Variants in ITPR2 observed in about 807,000 individuals in gnomAD.
The protein encoded by ITPR2 is inositol 1,4,5-trisphosphate receptor type 2.
ITPR2 carries 207 observed loss-of-function variants against 317.1 expected under a neutral mutation model. That is an observed-to-expected ratio of 0.65 (90% CI 0.58 to 0.73). The LOEUF is 0.73. Among genes scored for constraint, ITPR2 ranks in the 30% least tolerant of loss-of-function variants. The pLI is 0.00. For synonymous variants in ITPR2, 1,156 were observed against 1,149.1 expected, an observed-to-expected ratio of 1.01 and a Z score of -0.12; for missense variants, 2,613 against 3,284.0, an observed-to-expected ratio of 0.80 and a Z score of 4.99.
intron 47 of ITPR2, among the ~76,000 whole-genome samples, chr12:26,437,961 C>T (rs559802204): frequency 1.2e-4 from 19 of 152,080 alleles, no homozygotes; most frequent in Non-Finnish European, 2.1e-4. Flanking sequence ...GCCACCACGC[C>T]CGGCTAATTT....
At position 26,476,899 on chromosome 12, in the gene ITPR2, A is replaced by G. The variant is rs773812399; in HGVS notation, c.6219+13T>C. The G allele has an allele frequency of 1.3e-6, 2 of 1,586,562 alleles. No homozygotes were observed. The highest frequency in any genetic ancestry group is 1.3e-5 in the African/African-American group (1 of 74,368). On this transcript the variant is annotated intron_variant, in intron 44 of 56. Coordinates refer to ENST00000381340, the MANE Select transcript of ITPR2 (RefSeq NM_002223.4). ...CTACCCAATATTGACCAAGCTTTTA[A>G]AAGTTTTCTTACCAGTTCTCTGGGT...
At chr12:26,610,593 C>T (rs961102347) in intron 26 of ITPR2, among the ~76,000 whole-genome samples, 5 of 152,196 alleles carry the variant, frequency 3.3e-5, no homozygotes, top group Admixed American at 6.5e-5. Context: ...AAAGATAAAT[C>T]TGCAAACTAT....
chr12:26,624,291 T>C lies in ITPR2; in HGVS notation c.3122+8A>G. 1.3e-6 allele frequency: 2 copies of C among 1,573,610 alleles called. No individual in the cohort carries two copies. The highest frequency in any genetic ancestry group is 1.7e-6 in the Non-Finnish European group (2 of 1,146,244). On this transcript the variant is annotated splice_region_variant and intron_variant, in intron 24 of 56. Coordinates refer to ENST00000381340, the MANE Select transcript of ITPR2 (RefSeq NM_002223.4). ...AAGTAAGATAAAGATATATAAATGT[T>C]ACTATACCTTCCCGCAAACATAGTT...
At chr12:26,549,095 T>A (rs1240940780) in intron 37 of ITPR2, among the ~76,000 whole-genome samples, 1 of 152,156 alleles carries the variant, frequency 6.6e-6, no homozygotes, top group Non-Finnish European at 1.5e-5. Flanking sequence ...TATCCCACAA[T>A]CTACAGCAAT....
chr12:26,652,431 T>C (rs1184978969), intron 21 of ITPR2, among the ~76,000 whole-genome samples: 1 of 152,236 alleles, frequency 6.6e-6, no homozygotes, highest in East Asian at 1.9e-4. Flanking sequence ...AATTCTTAAC[T>C]AGGTATTTCT....
intron 37 of ITPR2, among the ~76,000 whole-genome samples, chr12:26,546,902 A>C (rs1329623142): frequency 6.6e-6 from 1 of 152,172 alleles, no homozygotes; most frequent in African/African-American, 2.4e-5. Context: ...AAATCAACTC[A>C]AAATGGATTA....
At chr12:26,798,042 C>T (rs1452970170) in intron 1 of ITPR2, among the ~76,000 whole-genome samples, 1 of 151,932 alleles carries the variant, frequency 6.6e-6, no homozygotes, top group Non-Finnish European at 1.5e-5. Context: ...AACTTGATCC[C>T]CCAACGCTGG....
At chr12:26,627,954 A>T (rs1233632628) in intron 23 of ITPR2, 79 bp downstream of exon 23, 11 of 1,263,250 alleles carry the variant, frequency 8.7e-6, no homozygotes, top group Admixed American at 7.1e-5. Context: ...AAATATAATT[A>T]TGTTTTAAAA....
intron 37 of ITPR2, among the ~76,000 whole-genome samples, chr12:26,520,196 CA>C (rs887154576): frequency 2.0e-5 from 3 of 152,182 alleles, no homozygotes; most frequent in South Asian, 4.1e-4. Context: ...CTCTCAGCTC[CA>C]AACTCCCCCT....
At chr12:26,810,244 T>C (rs1409790138) in intron 1 of ITPR2, among the ~76,000 whole-genome samples, 1 of 152,198 alleles carries the variant, frequency 6.6e-6, no homozygotes, top group Non-Finnish European at 1.5e-5. Flanking sequence ...TCTTATAAAG[T>C]AATTTTGTGG....
intron 2 of ITPR2, among the ~76,000 whole-genome samples, chr12:26,783,838 T>TA (rs147216117): frequency 0.2 from 31,059 of 152,028 alleles, 3,832 homozygotes; most frequent in Non-Finnish European, 0.28. Flanking sequence ...GCATATTCTA[T>TA]AAAATACCTA....
intron 5 of ITPR2, among the ~76,000 whole-genome samples, chr12:26,717,904 C>T (rs1948768958): frequency 6.6e-6 from 1 of 152,182 alleles, no homozygotes; most frequent in African/African-American, 2.4e-5. Flanking sequence ...TCCCCATTCT[C>T]CCTAGGAAAA....
At chr12:26,822,763 T>C (rs1305483541) in intron 1 of ITPR2, among the ~76,000 whole-genome samples, 3 of 152,212 alleles carry the variant, frequency 2.0e-5, no homozygotes, top group Non-Finnish European at 4.4e-5. Flanking sequence ...ATCTCAGGTC[T>C]CAGTAAATTC....
chr12:26,397,701 G>A (rs1000211137), intron 54 of ITPR2, among the ~76,000 whole-genome samples: 2 of 152,132 alleles, frequency 1.3e-5, no homozygotes, highest in Non-Finnish European at 2.9e-5. Context: ...TGAGGTGAAC[G>A]AAACACTCAA....
intron 2 of ITPR2, among the ~76,000 whole-genome samples, chr12:26,773,617 A>C (rs1949908793): frequency 6.6e-6 from 1 of 152,208 alleles, no homozygotes; most frequent in South Asian, 2.1e-4. Context: ...ACTCAGAGAC[A>C]CAATTAATTG....
At chr12:26,736,426 TTA>T (rs1592083070) in intron 2 of ITPR2, among the ~76,000 whole-genome samples, 1 of 152,118 alleles carries the variant, frequency 6.6e-6, no homozygotes, top group East Asian at 1.9e-4. Context: ...GCAATTAACT[TTA>T]TACAAACATA....
At chr12:26,791,231 G>C (rs1202581200) in intron 1 of ITPR2, among the ~76,000 whole-genome samples, 1 of 152,144 alleles carries the variant, frequency 6.6e-6, no homozygotes, top group East Asian at 1.9e-4. Flanking sequence ...CTTAATACCA[G>C]ACTCACTAAC....
chr12:26,403,200 G>C (rs1266327493), intron 52 of ITPR2, among the ~76,000 whole-genome samples: 1 of 152,184 alleles, frequency 6.6e-6, no homozygotes, highest in East Asian at 1.9e-4. Context: ...AAAGCATGCG[G>C]GGTGTTTTGG....
At chr12:26,569,462 G>A (rs1478254659) in intron 34 of ITPR2, among the ~76,000 whole-genome samples, 1 of 151,264 alleles carries the variant, frequency 6.6e-6, no homozygotes, top group Non-Finnish European at 1.5e-5. Context: ...ACTGAGATGG[G>A]AGGATTACTT....
Sources: gnomAD v4.1 joint callset for allele counts (sites outside exome capture counted in the v4.1 genomes callset) on GRCh38, gnomAD v4.1.1 for gene constraint, MANE v1.5 for transcripts, NCBI Gene and HGNC (gene_info 2026-07-23, HGNC 2026-07-21) for gene names.